Variants in NLGN1 observed in about 807,000 individuals in gnomAD.
NLGN1 encodes neuroligin-1.
A neutral mutation model predicts 65.5 loss-of-function variants in NLGN1; 12 were observed. The observed-to-expected ratio is 0.18, with a 90% CI of 0.12 to 0.30. The LOEUF (loss-of-function observed/expected upper bound fraction) is 0.30. Among genes scored for constraint, NLGN1 ranks in the 10% least tolerant of loss-of-function variants. The pLI is 1.00. For synonymous variants in NLGN1, 350 were observed against 359.5 expected, an observed-to-expected ratio of 0.97 and a Z score of 0.30; for missense variants, 750 against 1,007.1, an observed-to-expected ratio of 0.74 and a Z score of 3.46.
At chr3:173,651,263 AT>A (rs1366956394) in intron 3 of NLGN1, among the ~76,000 whole-genome samples, 1 of 151,448 alleles carries the variant, frequency 6.6e-6, no homozygotes, top group Non-Finnish European at 1.5e-5. Flanking sequence ...CATTCTTTAT[AT>A]GGCTGAATAG....
intron 4 of NLGN1, among the ~76,000 whole-genome samples, chr3:174,193,876 T>A (rs1732860871): frequency 6.6e-6 from 1 of 152,200 alleles, no homozygotes; most frequent in Non-Finnish European, 1.5e-5. Flanking sequence ...TTCTCTGACA[T>A]TTGTAAAACA....
intron 4 of NLGN1, among the ~76,000 whole-genome samples, chr3:174,197,569 A>C (rs1271537261): frequency 6.7e-6 from 1 of 149,442 alleles, no homozygotes; most frequent in African/African-American, 2.5e-5. Context: ...TTGGGTAACA[A>C]TAACTCTTCC....
chr3:173,855,739 G>A (rs1727829658), intron 4 of NLGN1, among the ~76,000 whole-genome samples: 1 of 152,170 alleles, frequency 6.6e-6, no homozygotes, highest in Admixed American at 6.5e-5. Flanking sequence ...ATTTTGACAT[G>A]AAATTCTAAA....
intron 4 of NLGN1, among the ~76,000 whole-genome samples, chr3:174,016,292 AGAGACTG>A (rs1726537797): frequency 6.6e-6 from 1 of 152,224 alleles, no homozygotes; most frequent in Admixed American, 6.5e-5. Flanking sequence ...CTAAAGCAAA[AGAGACTG>A]GATGTATATG....
intron 3 of NLGN1, among the ~76,000 whole-genome samples, chr3:173,679,469 AG>A (rs377136852): frequency 1.5e-3 from 228 of 152,178 alleles, no homozygotes; most frequent in African/African-American, 5.2e-3. Flanking sequence ...AATGTTCTAC[AG>A]GGGAGGGGAT....
At chr3:174,233,126 A>C (rs1347647212) in intron 4 of NLGN1, among the ~76,000 whole-genome samples, 2 of 152,140 alleles carry the variant, frequency 1.3e-5, no homozygotes, top group African/African-American at 2.4e-5. Flanking sequence ...AGATCTTTGC[A>C]CTGTTACTTC....
At chr3:173,483,584 G>T (rs1727658713) in intron 2 of NLGN1, among the ~76,000 whole-genome samples, 2 of 151,984 alleles carry the variant, frequency 1.3e-5, no homozygotes, top group African/African-American at 4.8e-5. Flanking sequence ...AACAGTTAAA[G>T]ACAAAGTTAA....
At position 173,605,293 on chromosome 3, in the gene NLGN1, T is replaced by C. The variant is rs1277057651; in HGVS notation, c.493+202T>C. On this transcript the variant is annotated intron_variant, in intron 3 of 6. Transcript: ENST00000457714. ...CTTATTTTTTTCCTGTGCTTACTCA[T>C]TTTCTTTCCTCCACAGCACGTATAT... Among the ~76,000 whole-genome samples, 8 of 152,128 alleles carry C rather than the reference T, an allele frequency of 5.3e-5. No individual in the cohort carries two copies. In the East Asian group the frequency reaches 1.4e-3, roughly 26 times the overall value.
chr3:173,510,778 A>G (rs941844837), intron 2 of NLGN1, among the ~76,000 whole-genome samples: 3 of 152,316 alleles, frequency 2.0e-5, no homozygotes, highest in Non-Finnish European at 4.4e-5. Context: ...GAGAGAGCAC[A>G]GAGAGTTTTT....
intron 2 of NLGN1, among the ~76,000 whole-genome samples, chr3:173,473,922 C>A (rs1308444529): frequency 6.6e-6 from 1 of 152,128 alleles, no homozygotes; most frequent in Non-Finnish European, 1.5e-5. Context: ...GAATGTTGGT[C>A]TCTGCAGTAA....
intron 4 of NLGN1, among the ~76,000 whole-genome samples, chr3:173,888,508 C>G (rs1579006009): frequency 6.6e-6 from 1 of 151,934 alleles, no homozygotes; most frequent in African/African-American, 2.4e-5. Flanking sequence ...ATTGTGGATG[C>G]AGAACCTATG....
intron 5 of NLGN1, among the ~76,000 whole-genome samples, chr3:174,276,861 A>C (rs2152888997): frequency 1.3e-5 from 2 of 151,922 alleles, no homozygotes; most frequent in Non-Finnish European, 2.9e-5. Flanking sequence ...GATTGTTCTA[A>C]TCTCAGTATT....
intron 3 of NLGN1, among the ~76,000 whole-genome samples, chr3:173,694,694 G>T (rs983114759): frequency 1.3e-5 from 2 of 152,004 alleles, no homozygotes; most frequent in African/African-American, 2.4e-5. Context: ...AGCCTTCATT[G>T]TAAATTGAAA....
At chr3:174,078,730 C>T (rs965199599) in intron 4 of NLGN1, among the ~76,000 whole-genome samples, 3 of 152,188 alleles carry the variant, frequency 2.0e-5, no homozygotes, top group African/African-American at 2.4e-5. Flanking sequence ...CTCTGTTTTA[C>T]GCCATAGTCT....
intron 4 of NLGN1, among the ~76,000 whole-genome samples, chr3:174,251,608 G>T (rs575899539): frequency 6.6e-6 from 1 of 152,240 alleles, no homozygotes; most frequent in East Asian, 1.9e-4. Flanking sequence ...TTTTGGCATG[G>T]ATAACAGGTA....
intron 4 of NLGN1, among the ~76,000 whole-genome samples, chr3:173,990,455 A>G (rs374669142): frequency 1.1e-4 from 16 of 152,194 alleles, no homozygotes; most frequent in African/African-American, 3.4e-4. Flanking sequence ...ACTTATTTGA[A>G]ATTTTTTGCA....
chr3:173,829,467 T>C lies in NLGN1; in HGVS notation c.646+21635T>C, dbSNP rs187962151. Among the ~76,000 whole-genome samples the C allele has an allele frequency of 1.4e-3, 214 of 147,896 alleles. 1 individual carries two copies. Among genetic ancestry groups the C allele is most frequent in the Non-Finnish European group, 2.6e-3 (173 of 66,826 alleles). Reference sequence around the variant, plus strand: ...GTACAATGTGATGATTTGACATGCATATACATTGTGTACTGATTACCATAG... The same window carrying C: ...GTACAATGTGATGATTTGACATGCACATACATTGTGTACTGATTACCATAG... On this transcript the variant is annotated intron_variant, in intron 4 of 6. Transcript: ENST00000457714.
At chr3:173,792,415 C>A (rs1405722736) in intron 3 of NLGN1, among the ~76,000 whole-genome samples, 2 of 152,126 alleles carry the variant, frequency 1.3e-5, no homozygotes, top group Admixed American at 6.6e-5. Flanking sequence ...CTGAAGACAG[C>A]ATTTTGGGCC....
At chr3:174,134,228 A>G (rs1720782633) in intron 4 of NLGN1, among the ~76,000 whole-genome samples, 1 of 152,184 alleles carries the variant, frequency 6.6e-6, no homozygotes, top group Admixed American at 6.5e-5. Flanking sequence ...GGCAGATGGG[A>G]AAGCCAGTTT....
Sources: gnomAD v4.1 joint callset for allele counts (sites outside exome capture counted in the v4.1 genomes callset) on GRCh38, gnomAD v4.1.1 for gene constraint, MANE v1.5 for transcripts, NCBI Gene and HGNC (gene_info 2026-07-23, HGNC 2026-07-21) for gene names.